The following PDILT variants were observed in gnomAD, a reference collection of about 807,000 sequenced individuals.
PDILT encodes protein disulfide-isomerase-like protein of the testis.
A neutral mutation model predicts 53.7 loss-of-function variants in PDILT; 43 were observed. That is an observed-to-expected ratio of 0.80 (90% CI 0.63 to 1.03). The LOEUF is 1.03. PDILT is among the 50% of genes least tolerant of loss of function. The pLI is 0.00. For missense variants in PDILT, 727 were observed against 712.3 expected, an observed-to-expected ratio of 1.02 and a Z score of -0.24; for synonymous variants, 282 against 274.2, an observed-to-expected ratio of 1.03 and a Z score of -0.28.
At chr16:20,362,701 C>T in intron 9 of PDILT, 119 bp from the exon 10 acceptor site, 7 of 773,540 alleles carry the variant, frequency 9.0e-6, no homozygotes, top group South Asian at 7.5e-5. Flanking sequence ...CAATTGCACT[C>T]CCTCCTTCTT....
At chr16:20,403,932 C>T (rs1470695367) in intron 1 of PDILT, among the ~76,000 whole-genome samples, 1 of 152,174 alleles carries the variant, frequency 6.6e-6, no homozygotes, top group African/African-American at 2.4e-5. Context: ...CGAATCCACG[C>T]TCATCAGAAG....
At chr16:20,382,961 G>A (rs1163419605) in intron 3 of PDILT, among the ~76,000 whole-genome samples, 6 of 152,144 alleles carry the variant, frequency 3.9e-5, no homozygotes, top group Non-Finnish European at 8.8e-5. Flanking sequence ...ATTCTTTGAG[G>A]CGAGGGCCTT....
chr16:20,394,613 C>T (rs548047842), intron 2 of PDILT, among the ~76,000 whole-genome samples: 54 of 152,302 alleles, frequency 3.5e-4, no homozygotes, highest in Admixed American at 3.3e-3. Context: ...ATGCAGATTC[C>T]GATTCAGTGC....
In PDILT at chr16:20,376,087, A is replaced by T; in HGVS notation, c.524T>A (p.Val175Asp). The change falls in exon 4 of 12, where the codon GTC (valine) becomes GAC (aspartate). Residue 175 changes from valine (V) to aspartate (D), a missense_variant. Val to Asp is a radical substitution (Grantham distance 152). Transcript: ENST00000302451. ...CAGTACCTGGAAGAAGCCAACGATG[A>T]CCAAGGGCCTGGATATCACAAACTC... is the stretch of plus-strand genomic sequence containing the variant. ...VAEFVISRPL[V>D]IVGFFQDLEE... 1 of 1,614,072 alleles carries T rather than the reference A, an allele frequency of 6.2e-7. No homozygotes were observed. Among genetic ancestry groups the T allele is most frequent in the East Asian group, 2.2e-5 (1 of 44,878 alleles).
intron 10 of PDILT, 130 bp downstream of exon 10, chr16:20,362,274 G>T: frequency 1.1e-6 from 1 of 929,210 alleles, no homozygotes; most frequent in Non-Finnish European, 1.6e-6. Context: ...GAATGTGAGA[G>T]GATGGATAGT....
In PDILT at chr16:20,374,808, G is replaced by C; in HGVS notation, c.681+14C>G. 1 of 1,608,162 alleles carries C rather than the reference G, an allele frequency of 6.2e-7. No individual in the cohort carries two copies. Among genetic ancestry groups the C allele is most frequent in the South Asian group, 1.1e-5 (1 of 89,756 alleles). On this transcript the variant is annotated intron_variant, in intron 5 of 11. Coordinates refer to ENST00000302451, the MANE Select transcript of PDILT (RefSeq NM_174924.2). ...ACCAGAGACCTCTCACTAGCAATAG[G>C]ATCAAAATCCTACCTTTTTGAACAC...
rs182319662 is a variant in PDILT at position 20,398,058 on chromosome 16, C to T, written c.202+1041G>A. Among the ~76,000 whole-genome samples the T allele has an allele frequency of 1.2e-3, 187 of 152,256 alleles. 1 individual carries two copies. The highest frequency in any genetic ancestry group is 4.2e-3 in the African/African-American group (174 of 41,570). ...CTGATCCTTTCTGAGTTTCTGTTTCCTCAACTATCAAATAGGGAGATGACT... is the reference window on the plus strand; with the variant it reads ...CTGATCCTTTCTGAGTTTCTGTTTCTTCAACTATCAAATAGGGAGATGACT... On this transcript the variant is annotated intron_variant, in intron 2 of 11. Transcript: ENST00000302451.
chr16:20,401,724 G>T (rs1966742895), intron 1 of PDILT, among the ~76,000 whole-genome samples: 2 of 152,248 alleles, frequency 1.3e-5, no homozygotes, highest in African/African-American at 4.8e-5. Context: ...AGGGTACAGA[G>T]CTGAACCATG....
chr16:20,367,927 G>T (rs1404363042), intron 8 of PDILT, among the ~76,000 whole-genome samples: 4 of 152,164 alleles, frequency 2.6e-5, no homozygotes, highest in Admixed American at 2.6e-4. Context: ...TGCCTGGTGA[G>T]TACTATGGGG....
intron 3 of PDILT, among the ~76,000 whole-genome samples, chr16:20,381,408 A>G (rs1451567823): frequency 6.6e-6 from 1 of 152,074 alleles, no homozygotes; most frequent in Non-Finnish European, 1.5e-5. Context: ...AGGCCGAGAC[A>G]GGTGGATCAT....
intron 2 of PDILT, among the ~76,000 whole-genome samples, chr16:20,394,101 T>C (rs1567331259): frequency 6.6e-6 from 1 of 152,144 alleles, no homozygotes; most frequent in South Asian, 2.1e-4. Flanking sequence ...CTGAGTTCAC[T>C]GAAACCAGGC....
intron 3 of PDILT, among the ~76,000 whole-genome samples, 173 bp downstream of exon 3, chr16:20,384,472 A>C (rs1311566368): frequency 6.6e-6 from 1 of 152,110 alleles, no homozygotes; most frequent in Non-Finnish European, 1.5e-5. Flanking sequence ...TGCTGGCTGG[A>C]TACAGAGGAA....
chr16:20,382,229 C>T (rs1320756035), intron 3 of PDILT, among the ~76,000 whole-genome samples: 1 of 152,138 alleles, frequency 6.6e-6, no homozygotes, highest in Non-Finnish European at 1.5e-5. Flanking sequence ...TTAATTGTTC[C>T]AGGCATTGGA....
rs1199014357 is a variant in PDILT at position 20,376,190 on chromosome 16, A to G, written c.421T>C (p.Ser141Pro). The G allele has an allele frequency of 7.4e-6, 12 of 1,614,082 alleles. No individual in the cohort carries two copies. The East Asian group carries it at 2.2e-4, about 30-fold the overall frequency. ...CTCAACCAAACGACTAAGGCAGCAG[A>G]TTCAACCACTCCTGGAGAAAGACAC... The part of the protein sequence containing the change: ...EPISCKGVVE[S>P]AALVVWLRRQ... Residue 141 changes from serine (S) to proline (P), a missense_variant, in exon 4 of 12, where the codon TCT becomes CCT. By Grantham distance (74) the Ser-to-Pro change is moderately conservative. Coordinates refer to ENST00000302451, the MANE Select transcript of PDILT (RefSeq NM_174924.2).
At position 20,359,554 on chromosome 16, in the gene PDILT, T is replaced by C; in HGVS notation, c.1520A>G (p.Glu507Gly). The change falls in exon 12 of 12, where the codon GAG becomes GGG. Residue 507 changes from glutamate to glycine, a missense_variant. Glu to Gly is a moderately conservative substitution (Grantham distance 98, BLOSUM62 -2). Transcript: ENST00000302451. Reference protein sequence around the residue: ...IEDEDELLSVEQNEVIEEEVL... With the variant: ...IEDEDELLSVGQNEVIEEEVL... ...TTCCTCTTCTATCACTTCATTTTGCTCAACAGACAACAGCTATGAAAGCAA... is the reference window on the plus strand; with the variant it reads ...TTCCTCTTCTATCACTTCATTTTGCCCAACAGACAACAGCTATGAAAGCAA... 1.2e-6 allele frequency: 2 copies of C among 1,613,744 alleles called. No homozygotes were observed. The highest frequency in any genetic ancestry group is 1.1e-5 in the South Asian group (1 of 91,040).
intron 7 of PDILT, among the ~76,000 whole-genome samples, chr16:20,371,597 T>C (rs1381749092): frequency 6.6e-6 from 1 of 152,240 alleles, no homozygotes; most frequent in Non-Finnish European, 1.5e-5. Context: ...TTTAGCGTTG[T>C]CTGTGAAATG....
intron 2 of PDILT, among the ~76,000 whole-genome samples, chr16:20,394,551 C>T (rs1334981706): frequency 1.3e-5 from 2 of 152,154 alleles, no homozygotes; most frequent in South Asian, 2.1e-4. Flanking sequence ...ATGATGTACA[C>T]CAGTGCTTCT....
At chr16:20,387,153 G>C (rs1158067361) in intron 2 of PDILT, among the ~76,000 whole-genome samples, 1 of 152,232 alleles carries the variant, frequency 6.6e-6, no homozygotes, top group African/African-American at 2.4e-5. Context: ...GGATATAACA[G>C]TGAACAGATA....
At chr16:20,361,445 C>A (rs1024976994) in intron 10 of PDILT, among the ~76,000 whole-genome samples, 2 of 152,066 alleles carry the variant, frequency 1.3e-5, no homozygotes, top group Non-Finnish European at 2.9e-5. Flanking sequence ...AGGCTCCCAA[C>A]GTAATGAGAT....
Sources: allele counts gnomAD v4.1 joint callset (sites outside exome capture counted in the v4.1 genomes callset), GRCh38; gene constraint gnomAD v4.1.1; transcripts MANE v1.5; gene names NCBI Gene and HGNC (gene_info 2026-07-23, HGNC 2026-07-21).